Variants in FYB1 observed in about 807,000 individuals in gnomAD.
The protein encoded by FYB1 is FYN-binding protein 1.
Under a neutral mutation model 94.1 loss-of-function variants are expected in FYB1, and 41 were observed. The ratio of observed to expected loss-of-function variants is 0.44; its 90% CI spans 0.34 to 0.57. The LOEUF is 0.57. Among genes scored for constraint, FYB1 ranks in the 20% least tolerant of loss-of-function variants. The probability of loss-of-function intolerance (pLI) is 0.02; values close to 1 mark genes in which losing one functional copy is unlikely to be tolerated. For missense variants in FYB1, 1,050 were observed against 976.8 expected (o/e 1.07, Z -1.00); for synonymous variants, 367 against 353.2 (o/e 1.04, Z -0.44).
At chr5:39,265,477 C>T (rs1300219919) in intron 1 of FYB1, among the ~76,000 whole-genome samples, 9 of 137,148 alleles carry the variant, frequency 6.6e-5, no homozygotes, top group African/African-American at 2.4e-4. Flanking sequence ...GAGCAAGACT[C>T]TGTCTCAAAA....
intron 1 of FYB1, among the ~76,000 whole-genome samples, chr5:39,209,666 TTCTC>T (rs1336607438): frequency 2.0e-5 from 3 of 152,186 alleles, no homozygotes; most frequent in African/African-American, 7.2e-5. Flanking sequence ...TACATGTGTG[TTCTC>T]TGTTTCCCTA....
chr5:39,253,481 A>G (rs941462287), intron 1 of FYB1, among the ~76,000 whole-genome samples: 1 of 152,188 alleles, frequency 6.6e-6, no homozygotes, highest in African/African-American at 2.4e-5. Flanking sequence ...TAAAAAAAAT[A>G]TTTTAGGTTC....
chr5:39,184,434 A>G (rs987091716), intron 2 of FYB1, among the ~76,000 whole-genome samples: 3 of 152,224 alleles, frequency 2.0e-5, no homozygotes, highest in African/African-American at 7.2e-5. Flanking sequence ...GCAATTTTGA[A>G]AACAAAAGTT....
In FYB1 at chr5:39,243,794, GT is replaced by G. The variant is rs529386126; in HGVS notation, c.-28+30608del. Among the ~76,000 whole-genome samples the G allele has an allele frequency of 1.6e-3, 239 of 152,248 alleles. 1 individual carries two copies. The highest frequency in any genetic ancestry group is 2.7e-3 in the Admixed American group (42 of 15,290). On this transcript the variant is annotated intron_variant, in intron 1 of 1. Transcript: ENST00000510188. ...ATGAGCATGGAATGTTCTTCCATTT[GT>G]TTGTGTCCTCTTTTATTTCGTTGAG...
intron 1 of FYB1, among the ~76,000 whole-genome samples, chr5:39,234,440 CA>C (rs1750871157): frequency 6.6e-6 from 1 of 152,008 alleles, no homozygotes. Context: ...CTTTGAAATA[CA>C]AAGAGGCAAT....
At chr5:39,206,428 A>T (rs1179620074) in intron 1 of FYB1, among the ~76,000 whole-genome samples, 1 of 152,192 alleles carries the variant, frequency 6.6e-6, no homozygotes, top group Non-Finnish European at 1.5e-5. Context: ...AAAAAGCAAA[A>T]ATGATTTTTA....
intron 2 of FYB1, among the ~76,000 whole-genome samples, chr5:39,177,084 A>T (rs1561216635): frequency 1.3e-5 from 2 of 152,198 alleles, no homozygotes; most frequent in Non-Finnish European, 2.9e-5. Flanking sequence ...TCCTGGCAAC[A>T]GTAGAATATA....
intron 14 of FYB1, among the ~76,000 whole-genome samples, chr5:39,120,444 GC>G (rs1387147976): frequency 1.3e-5 from 2 of 152,192 alleles, no homozygotes; most frequent in African/African-American, 4.8e-5. Context: ...GATTTTTGTA[GC>G]CTGTCCGCAC....
At chr5:39,114,783 T>A (rs1427033405) in intron 16 of FYB1, among the ~76,000 whole-genome samples, 1 of 152,190 alleles carries the variant, frequency 6.6e-6, no homozygotes, top group Non-Finnish European at 1.5e-5. Flanking sequence ...CCAAATTGTT[T>A]CATTCAATCC....
intron 1 of FYB1, among the ~76,000 whole-genome samples, chr5:39,210,154 G>A (rs1749231019): frequency 6.6e-6 from 1 of 152,178 alleles, no homozygotes; most frequent in East Asian, 1.9e-4. Context: ...ACCCCTGTAT[G>A]TTTTTCAGTA....
intron 9 of FYB1, among the ~76,000 whole-genome samples, chr5:39,133,942 A>C (rs1234895067): frequency 1.3e-5 from 2 of 152,222 alleles, no homozygotes; most frequent in Non-Finnish European, 2.9e-5. Flanking sequence ...TGAACATTAT[A>C]AAAGTGTTTT....
At chr5:39,223,850 C>A (rs973815102), upstream of FYB1, among the ~76,000 whole-genome samples, 2 of 152,084 alleles carry the variant, frequency 1.3e-5, no homozygotes, top group Non-Finnish European at 2.9e-5. Flanking sequence ...ATCAAATATC[C>A]ATTTCAGATA....
chr5:39,134,792 A>C, intron 8 of FYB1, 63 bp downstream of exon 8: 4 of 1,537,760 alleles, frequency 2.6e-6, no homozygotes, highest in Non-Finnish European at 3.6e-6. Flanking sequence ...CTGGAGGAAT[A>C]TGTACATTGA....
At chr5:39,119,261 G>T (rs941294563) in intron 15 of FYB1, among the ~76,000 whole-genome samples, 1 of 151,838 alleles carries the variant, frequency 6.6e-6, no homozygotes, top group Non-Finnish European at 1.5e-5. Context: ...AGGTTCAAAG[G>T]ACAGCTAAAT....
intron 3 of FYB1, among the ~76,000 whole-genome samples, chr5:39,142,483 T>A (rs190636789): frequency 5.3e-5 from 8 of 152,324 alleles, no homozygotes; most frequent in Admixed American, 2.6e-4. Flanking sequence ...TTTCTGAGAA[T>A]CCATTGATTA....
chr5:39,173,391 T>C (rs1745434558), intron 2 of FYB1, among the ~76,000 whole-genome samples: 1 of 152,214 alleles, frequency 6.6e-6, no homozygotes, highest in Non-Finnish European at 1.5e-5. Flanking sequence ...TTCTTTAGGC[T>C]GTTTACTCTG....
chr5:39,182,287 A>ATGTGTG (rs57111701), intron 2 of FYB1, among the ~76,000 whole-genome samples: 2 of 140,306 alleles, frequency 1.4e-5, no homozygotes, highest in East Asian at 4.4e-4. Flanking sequence ...GTGTGCATGC[A>ATGTGTG]TGTGTGTGTG....
intron 1 of FYB1, among the ~76,000 whole-genome samples, chr5:39,237,549 G>A (rs560884073): frequency 2.8e-4 from 43 of 151,954 alleles, no homozygotes; most frequent in African/African-American, 9.4e-4. Flanking sequence ...TTCTTGCATA[G>A]GCTATAATAT....
At chr5:39,203,589 T>C (rs73091051) in intron 1 of FYB1, among the ~76,000 whole-genome samples, 7,116 of 152,290 alleles carry the variant, frequency 0.047, 237 homozygotes, top group East Asian at 0.14. Context: ...AGTAATAAAA[T>C]GACTTCTTCT....
Sources: allele counts gnomAD v4.1 joint callset (sites outside exome capture counted in the v4.1 genomes callset), GRCh38; gene constraint gnomAD v4.1.1; transcripts MANE v1.5; gene names NCBI Gene and HGNC (gene_info 2026-07-23, HGNC 2026-07-21).